PXDC1: variants seen among roughly 807,000 people sequenced by gnomAD.
The protein encoded by PXDC1 is PX domain containing 1.
PXDC1 carries 13 observed loss-of-function variants against 24.4 expected under a neutral mutation model. The observed-to-expected ratio is 0.53, with a 90% confidence interval of 0.35 to 0.85. PXDC1 has a LOEUF of 0.85. Among genes scored for constraint, PXDC1 ranks in the 40% least tolerant of loss-of-function variants. The pLI is 0.01. For missense variants in PXDC1, 344 were observed against 309.3 expected (o/e 1.11, Z -0.84); for synonymous variants, 162 against 124.9 (o/e 1.30, Z -1.98).
chr6:3,742,625 G>A (rs1324573037), intron 1 of PXDC1, among the ~76,000 whole-genome samples: 1 of 152,178 alleles, frequency 6.6e-6, no homozygotes, highest in South Asian at 2.1e-4. Context: ...CACGCTTAAG[G>A]AAGTTAGCCT....
In PXDC1 at chr6:3,723,714, G is replaced by A; in HGVS notation, c.601C>T (p.Pro201Ser). Residue 201 changes from proline (P) to serine (S), a missense_variant, in exon 5 of 5, where the codon CCC (proline) becomes TCC (serine). Coordinates refer to ENST00000380283, the MANE Select transcript of PXDC1 (RefSeq NM_183373.4). ...TCGTCCCCGTCCTCCAGCTCTGAGG[G>A]AAACTCACTGCCATTCTCAAATCTG... ...EHLFENGSEF[P>S]SELEDGDDPA... is the part of the protein sequence containing the mutation. 6.2e-7 allele frequency: 1 copy of A among 1,614,130 alleles called. No individual in the cohort carries two copies. Among genetic ancestry groups the A allele is most frequent in the East Asian group, 2.2e-5 (1 of 44,886 alleles).
chr6:3,741,982 T>G (rs763229661), intron 1 of PXDC1, among the ~76,000 whole-genome samples: 1 of 152,270 alleles, frequency 6.6e-6, no homozygotes, highest in Non-Finnish European at 1.5e-5. Context: ...ATCTTCATCT[T>G]GCAATTTCTG....
At chr6:3,729,641 T>A (rs1257015829) in intron 3 of PXDC1, among the ~76,000 whole-genome samples, 1 of 152,208 alleles carries the variant, frequency 6.6e-6, no homozygotes, top group Non-Finnish European at 1.5e-5. Context: ...AACTGCCATA[T>A]CCTAACAAGA....
chr6:3,742,947 C>G (rs73722548), intron 1 of PXDC1, among the ~76,000 whole-genome samples: 9,233 of 152,252 alleles, frequency 0.061, 950 homozygotes, highest in African/African-American at 0.21. Flanking sequence ...TAGCTGCTTT[C>G]TGCAAACACA....
At position 3,738,090 on chromosome 6, in the gene PXDC1, C is replaced by T. The variant is rs769996711; in HGVS notation, c.315G>A (p.Lys105=). 1 of 1,614,164 alleles carries T rather than the reference C, an allele frequency of 6.2e-7. No individual in the cohort carries two copies. The highest frequency in any genetic ancestry group is 8.5e-7 in the Non-Finnish European group (1 of 1,180,038). ...DIETRLNEVE[K]LLKTIISMPC... is the part of the protein sequence containing the mutation. ...GCATGCTTATGATCGTCTTCAGCAG[C>T]TTCTCCACCTCATTAAGCCTGGTCT... Residue 105 remains lysine, a synonymous_variant, in exon 2 of 5, where the codon AAG becomes AAA. Coordinates refer to ENST00000380283, the MANE Select transcript of PXDC1 (RefSeq NM_183373.4).
chr6:3,727,850 T>C (rs1403579167), intron 3 of PXDC1, among the ~76,000 whole-genome samples, 188 bp from the exon 4 acceptor site: 1 of 151,904 alleles, frequency 6.6e-6, no homozygotes, highest in Non-Finnish European at 1.5e-5. Context: ...AGGGAAGAGG[T>C]CAATCCCCGC....
Position 3,725,490 on chromosome 6 carries a change from G to A in PXDC1, c.579-1754C>T, listed in dbSNP as rs1451610869. On this transcript the variant is annotated intron_variant, in intron 4 of 4. Transcript: ENST00000380283. This position sits in a 1 kb window ranked among gnomAD's most constrained non-coding sequence, Gnocchi z 4.8. ...TTCCCTGAGTGCAGGTGGGTCTCTG[G>A]GCCCTGGCACTGGTGCCCACTTGCC... is the stretch of plus-strand genomic sequence containing the variant. 6.6e-6 allele frequency among the ~76,000 whole-genome samples: 1 copy of A among 152,198 alleles called. No individual in the cohort carries two copies. Among genetic ancestry groups the A allele is most frequent in the African/African-American group, 2.4e-5 (1 of 41,452 alleles).
At chr6:3,741,361 G>A (rs903807075) in intron 1 of PXDC1, among the ~76,000 whole-genome samples, 1 of 152,224 alleles carries the variant, frequency 6.6e-6, no homozygotes. Flanking sequence ...AGAAAATTTA[G>A]ATGGGGAAAG....
chr6:3,734,713 T>C (rs1760276434), intron 3 of PXDC1, among the ~76,000 whole-genome samples: 1 of 152,038 alleles, frequency 6.6e-6, no homozygotes, highest in Non-Finnish European at 1.5e-5. Flanking sequence ...AAAAGCAGCA[T>C]ACCACCCAAA....
Position 3,751,369 on chromosome 6 carries a change from G to T in PXDC1, c.163C>A (p.Arg55Ser). Residue 55 changes from arginine to serine, a missense_variant, in exon 1 of 5, where the codon CGC (arginine) becomes AGC (serine). Arg to Ser is a moderately radical substitution (Grantham distance 110). Coordinates refer to ENST00000380283, the MANE Select transcript of PXDC1 (RefSeq NM_183373.4). Reference protein sequence around the residue: ...WSDRSVLYLHRSLADLGRLWQ... With the variant: ...WSDRSVLYLHSSLADLGRLWQ... Reference sequence around the variant, plus strand: ...AGGCGGCCCAGGTCCGCCAGGCTGCGGTGCAGGTAGAGCACGCTGCGGTCC... The same window carrying T: ...AGGCGGCCCAGGTCCGCCAGGCTGCTGTGCAGGTAGAGCACGCTGCGGTCC... The T allele has an allele frequency of 6.4e-7, 1 of 1,562,028 alleles. No homozygotes were observed. Among genetic ancestry groups the T allele is most frequent in the Non-Finnish European group, 8.7e-7 (1 of 1,155,392 alleles).
At chr6:3,743,113 A>C (rs1056246715) in intron 1 of PXDC1, among the ~76,000 whole-genome samples, 1 of 152,178 alleles carries the variant, frequency 6.6e-6, no homozygotes, top group African/African-American at 2.4e-5. Context: ...TGGGCTCAAC[A>C]CTTGCGGTAA....
chr6:3,747,698 G>A (rs1032365420), intron 1 of PXDC1, among the ~76,000 whole-genome samples: 12 of 152,134 alleles, frequency 7.9e-5, no homozygotes, highest in African/African-American at 2.2e-4. Flanking sequence ...CCTGTAAGTC[G>A]GAGCCCCTTT....
intron 3 of PXDC1, among the ~76,000 whole-genome samples, chr6:3,729,434 G>C (rs560523202): frequency 1.3e-5 from 2 of 152,270 alleles, no homozygotes; most frequent in East Asian, 3.9e-4. Flanking sequence ...GGCCACTGGT[G>C]TTTCCTGGGG....
rs1448388909 is a variant in PXDC1, at chr6:3,751,267, G to T, written c.256+9C>A. On this transcript the variant is annotated intron_variant, in intron 1 of 4. Transcript: ENST00000380283. ...GCCCCGCGCCCCTCCCGCGTCCCCG[G>T]CCCCGCACCTTGCCGCAGCGGCCCC... is the stretch of plus-strand genomic sequence containing the variant. 1 of 1,502,622 alleles carries T rather than the reference G, an allele frequency of 6.7e-7. No individual in the cohort carries two copies. The allele number at this position is 1,502,622 out of a possible 1,614,324, so 93.1% of individuals were successfully genotyped here.
chr6:3,737,478 C>T lies in PXDC1; in HGVS notation c.349-282G>A, dbSNP rs915123339. 2.3e-5 allele frequency: 4 copies of T among 175,652 alleles called. No homozygotes were observed. The highest frequency in any genetic ancestry group is 7.2e-5 in the African/African-American group (3 of 41,840). The allele number at this position is 175,652 out of a possible 1,614,324, so 10.9% of individuals were successfully genotyped here. On this transcript the variant is annotated intron_variant, in intron 2 of 4. Transcript: ENST00000380283. This position sits in a 1 kb window ranked among gnomAD's most constrained non-coding sequence, Gnocchi z 5.5. ...TGCCAGTTTCACTTGCGCCTCCCTC[C>T]CTCTATAGTCAACTGTAGGCTGTGT... is the stretch of plus-strand genomic sequence containing the variant.
At chr6:3,741,576 G>A (rs1309907695) in intron 1 of PXDC1, among the ~76,000 whole-genome samples, 1 of 152,200 alleles carries the variant, frequency 6.6e-6, no homozygotes, top group African/African-American at 2.4e-5. Flanking sequence ...AACGAGCGCT[G>A]ATCCCTTCCC....
chr6:3,741,297 A>T (rs1477668698), intron 1 of PXDC1, among the ~76,000 whole-genome samples: 1 of 152,266 alleles, frequency 6.6e-6, no homozygotes, highest in East Asian at 1.9e-4. Flanking sequence ...ATGGAAGCCA[A>T]ACTGTGTTCC....
At chr6:3,734,899 A>G (rs1192270843) in intron 3 of PXDC1, among the ~76,000 whole-genome samples, 1 of 152,148 alleles carries the variant, frequency 6.6e-6, no homozygotes, top group Non-Finnish European at 1.5e-5. Context: ...AGCTTGGGAA[A>G]CATGGCAAAA....
At position 3,737,633 on chromosome 6, in the gene PXDC1, C is replaced by T. The variant is rs956588871; in HGVS notation, c.348+424G>A. 3.0e-6 allele frequency: 3 copies of T among 984,568 alleles called. No homozygotes were observed. The highest frequency in any genetic ancestry group is 4.7e-5 in the South Asian group (1 of 21,278). 61.0% of individuals were successfully genotyped at this position (984,568 alleles called of 1,614,324 possible). A position where few individuals can be genotyped will look rare whatever the true frequency, so the allele number is the denominator to read the frequency against. On this transcript the variant is annotated intron_variant, in intron 2 of 4. Coordinates refer to ENST00000380283, the MANE Select transcript of PXDC1 (RefSeq NM_183373.4). The surrounding 1 kb of genome is among the most constrained non-coding windows in gnomAD (Gnocchi z 5.5). ...CAGGCTTACATGGAAAGGGAGTTGA[C>T]GGTCAAATCCGGGCAACGTGCCCCG...
Sources: gnomAD v4.1 joint callset for allele counts (sites outside exome capture counted in the v4.1 genomes callset) on GRCh38, gnomAD v4.1.1 for gene constraint, Gnocchi (gnomAD v3.1) non-coding constraint, MANE v1.5 for transcripts, NCBI Gene and HGNC (gene_info 2026-07-23, HGNC 2026-07-21) for gene names.